The following DDC variants were observed in gnomAD, a reference collection of about 807,000 sequenced individuals.
DDC encodes the protein aromatic-L-amino-acid decarboxylase.
A neutral mutation model predicts 60.0 loss-of-function variants in DDC; 43 were observed. The ratio of observed to expected loss-of-function variants is 0.72; its 90% CI spans 0.56 to 0.92. The LOEUF (loss-of-function observed/expected upper bound fraction) is 0.92, where lower values mean the gene tolerates loss of function less well. DDC is among the 40% of genes least tolerant of loss of function. The pLI, the probability that DDC is intolerant of heterozygous loss-of-function variation, is 0.00. For synonymous variants in DDC, 232 were observed against 234.6 expected, an observed-to-expected ratio of 0.99 and a Z score of 0.10; for missense variants, 573 against 620.2, an observed-to-expected ratio of 0.92 and a Z score of 0.81.
intron 6 of DDC, among the ~76,000 whole-genome samples, chr7:50,510,842 G>C (rs1459204987): frequency 1.3e-5 from 2 of 151,264 alleles, no homozygotes; most frequent in Admixed American, 1.3e-4. Context: ...TTAGCTGGGC[G>C]CGGTGGTGGG....
chr7:50,463,448 A>G lies in DDC; in HGVS notation c.1243-17T>C, dbSNP rs770471152. On this transcript the variant is annotated splice_polypyrimidine_tract_variant and intron_variant, in intron 13 of 14. Coordinates refer to ENST00000444124, the MANE Select transcript of DDC (RefSeq NM_001082971.2). ...GTTGGAACCCTGGAGGGATTGAAAG[A>G]GAGGAACTGTGCTCAGGTCTCTGAG... 40 of 1,610,666 alleles carry G rather than the reference A, an allele frequency of 2.5e-5. No individual in the cohort carries two copies. In the Admixed American group the frequency reaches 6.7e-4, roughly 27 times the overall value.
At chr7:50,487,608 G>A (rs1291130340) in intron 9 of DDC, among the ~76,000 whole-genome samples, 1 of 152,002 alleles carries the variant, frequency 6.6e-6, no homozygotes, top group Non-Finnish European at 1.5e-5. Flanking sequence ...GTTTATGTGT[G>A]CTTAGGTGTG....
chr7:50,494,549 C>A (rs1247468285), intron 9 of DDC, among the ~76,000 whole-genome samples: 1 of 151,434 alleles, frequency 6.6e-6, no homozygotes, highest in Admixed American at 6.6e-5. Flanking sequence ...CAAGATCGCA[C>A]CACTGCACTC....
intron 14 of DDC, among the ~76,000 whole-genome samples, chr7:50,462,819 T>A (rs538035115): frequency 2.6e-4 from 37 of 143,708 alleles, no homozygotes; most frequent in African/African-American, 7.3e-4. Context: ...CGCCAGGCTG[T>A]AACGCAGTGG....
chr7:50,528,583 C>T (rs1193341836), intron 5 of DDC, among the ~76,000 whole-genome samples: 1 of 152,096 alleles, frequency 6.6e-6, no homozygotes, highest in African/African-American at 2.4e-5. Flanking sequence ...GGATAAGTGG[C>T]GAGACCCTGG....
intron 14 of DDC, among the ~76,000 whole-genome samples, chr7:50,460,338 C>G (rs556758893): frequency 6.7e-6 from 1 of 148,818 alleles, no homozygotes; most frequent in Non-Finnish European, 1.5e-5. Flanking sequence ...GCCCGGCCAG[C>G]CGCCCCGTCC....
intron 9 of DDC, among the ~76,000 whole-genome samples, chr7:50,487,531 A>G (rs774291845): frequency 8.5e-4 from 130 of 152,150 alleles, no homozygotes; most frequent in Non-Finnish European, 1.3e-3. Flanking sequence ...TAAACTGATG[A>G]GTCTGTATTG....
chr7:50,492,668 T>C lies in DDC; in HGVS notation c.944+2682A>G, dbSNP rs893183169. 3.1e-5 allele frequency: 33 copies of C among 1,062,572 alleles called. 2 individuals are homozygous for C. In the East Asian group the frequency reaches 1.4e-3, roughly 46 times the overall value. 65.8% of individuals were successfully genotyped at this position (1,062,572 alleles called of 1,614,324 possible). A position where few individuals can be genotyped will look rare whatever the true frequency, so the allele number is the denominator to read the frequency against. On this transcript the variant is annotated intron_variant, in intron 9 of 14. Coordinates refer to ENST00000444124, the MANE Select transcript of DDC (RefSeq NM_001082971.2). Reference sequence around the variant, plus strand: ...CTTGTGTCTTAGGGCTTACGTTTAATTCCTTCTACAAGGAAATTTTCCAAA... The same window carrying C: ...CTTGTGTCTTAGGGCTTACGTTTAACTCCTTCTACAAGGAAATTTTCCAAA...
At chr7:50,488,626 A>C (rs1425744609) in intron 9 of DDC, among the ~76,000 whole-genome samples, 1 of 149,494 alleles carries the variant, frequency 6.7e-6, no homozygotes, top group Non-Finnish European at 1.5e-5. Flanking sequence ...AGAATTTATG[A>C]AAAAATATTT....
chr7:50,511,050 T>C (rs1298684660), intron 6 of DDC, among the ~76,000 whole-genome samples: 1 of 39,010 alleles, frequency 2.6e-5, no homozygotes, highest in Admixed American at 2.1e-4. Context: ...AGGATATATC[T>C]ATACACACAC....
intron 5 of DDC, 87 bp from the exon 6 acceptor site, chr7:50,528,367 T>C: frequency 6.4e-7 from 1 of 1,551,570 alleles, no homozygotes; most frequent in Admixed American, 1.7e-5. Context: ...GCAGCCAACA[T>C]TGCAAACACA....
At chr7:50,462,692 C>G (rs1329136876) in intron 14 of DDC, among the ~76,000 whole-genome samples, 1 of 151,254 alleles carries the variant, frequency 6.6e-6, no homozygotes, top group Non-Finnish European at 1.5e-5. Context: ...AAGTAAAAAT[C>G]TAAGTTTTAA....
chr7:50,535,239 C>T (rs1314594944), intron 4 of DDC, among the ~76,000 whole-genome samples: 1 of 152,086 alleles, frequency 6.6e-6, no homozygotes, highest in Non-Finnish European at 1.5e-5. Flanking sequence ...TCACGGCAAC[C>T]TCTGCCTCCC....
At chr7:50,555,706 C>T (rs879396221) in intron 1 of DDC, among the ~76,000 whole-genome samples, 1 of 152,182 alleles carries the variant, frequency 6.6e-6, no homozygotes, top group Non-Finnish European at 1.5e-5. Flanking sequence ...TTGCCTGGTT[C>T]TCGTATTTAA....
intron 4 of DDC, 114 bp downstream of exon 4, chr7:50,537,746 A>G: frequency 1.5e-6 from 2 of 1,368,780 alleles, no homozygotes; most frequent in Non-Finnish European, 2.1e-6. Context: ...TTTATTCTCC[A>G]GGAGAAATTT....
At chr7:50,514,727 A>G (rs1350451030) in intron 6 of DDC, among the ~76,000 whole-genome samples, 1 of 152,194 alleles carries the variant, frequency 6.6e-6, no homozygotes, top group Non-Finnish European at 1.5e-5. Flanking sequence ...AGTAGAAGAA[A>G]GAAATTCAGA....
intron 11 of DDC, among the ~76,000 whole-genome samples, chr7:50,471,550 C>T (rs1361600052): frequency 2.6e-5 from 4 of 152,076 alleles, no homozygotes; most frequent in African/African-American, 9.7e-5. Context: ...TGTGGTTCCC[C>T]CCAGTTGCAC....
chr7:50,478,790 G>A lies in DDC; in HGVS notation c.1021+997C>T, dbSNP rs183100010. ...ATGTGGGAAGGGCAGCTTGTATATTGGTAATTGGTAAGTGGTGCAGAGTTA... is the reference window on the plus strand; with the variant it reads ...ATGTGGGAAGGGCAGCTTGTATATTAGTAATTGGTAAGTGGTGCAGAGTTA... On this transcript the variant is annotated intron_variant, in intron 10 of 14. Coordinates refer to ENST00000444124, the MANE Select transcript of DDC (RefSeq NM_001082971.2). Among the ~76,000 whole-genome samples, 451 of 143,164 alleles carry A rather than the reference G, an allele frequency of 3.2e-3. 12 individuals carry two copies. The highest frequency in any genetic ancestry group is 9.9e-4 in the Non-Finnish European group (65 of 65,970). The allele number at this position is 143,164 out of a possible 152,430, so 93.9% of individuals were successfully genotyped here. A position where few individuals can be genotyped will look rare whatever the true frequency, so the allele number is the denominator to read the frequency against.
At chr7:50,474,799 CTT>C (rs2042606335) in intron 11 of DDC, among the ~76,000 whole-genome samples, 1 of 152,052 alleles carries the variant, frequency 6.6e-6, no homozygotes, top group Non-Finnish European at 1.5e-5. Flanking sequence ...GGTGTTGTGC[CTT>C]TTTTTCTAAT....
Sources: gnomAD v4.1 joint callset for allele counts (sites outside exome capture counted in the v4.1 genomes callset) on GRCh38, gnomAD v4.1.1 for gene constraint, MANE v1.5 for transcripts, NCBI Gene and HGNC (gene_info 2026-07-23, HGNC 2026-07-21) for gene names.